DAB1: variants seen among roughly 807,000 people sequenced by gnomAD.
DAB1 encodes disabled homolog 1.
Under a neutral mutation model 64.6 loss-of-function variants are expected in DAB1, and 15 were observed. That is an observed-to-expected ratio of 0.23 (90% CI 0.16 to 0.36). The LOEUF is 0.36. Among genes scored for constraint, DAB1 ranks in the 10% least tolerant of loss-of-function variants. DAB1 has a pLI of 1.00. For missense variants in DAB1, 596 were observed against 706.7 expected, an observed-to-expected ratio of 0.84 and a Z score of 1.78; for synonymous variants, 235 against 251.9, an observed-to-expected ratio of 0.93 and a Z score of 0.64.
At chr1:57,541,477 G>C (rs573147419) in intron 7 of DAB1, among the ~76,000 whole-genome samples, 2 of 152,136 alleles carry the variant, frequency 1.3e-5, no homozygotes, top group South Asian at 2.1e-4. Context: ...GGCTCAAAGA[G>C]GTTTAAACAT....
chr1:57,657,463 A>C (rs2101663718), intron 6 of DAB1, among the ~76,000 whole-genome samples: 1 of 152,320 alleles, frequency 6.6e-6, no homozygotes, highest in East Asian at 1.9e-4. Context: ...GCAGGGTGTC[A>C]CTGACCCTCC....
intron 1 of DAB1, among the ~76,000 whole-genome samples, chr1:57,416,962 C>T (rs1684537289): frequency 6.6e-6 from 1 of 152,060 alleles, no homozygotes; most frequent in Admixed American, 6.5e-5. Context: ...TCCTTTATTT[C>T]AGGAAAATTA....
intron 5 of DAB1, among the ~76,000 whole-genome samples, chr1:58,024,109 A>G (rs979651833): frequency 6.6e-5 from 10 of 152,334 alleles, no homozygotes; most frequent in Non-Finnish European, 1.3e-4. Context: ...AGCATTAAGT[A>G]CAAACATAGC....
chr1:58,431,299 C>T (rs1006973525), intron 3 of DAB1, among the ~76,000 whole-genome samples: 15 of 152,060 alleles, frequency 9.9e-5, no homozygotes, highest in African/African-American at 3.6e-4. Context: ...AGAAAAAGTT[C>T]CTATAATCCC....
intron 6 of DAB1, among the ~76,000 whole-genome samples, chr1:57,774,018 G>T (rs1303025665): frequency 1.3e-5 from 2 of 151,910 alleles, no homozygotes; most frequent in African/African-American, 4.8e-5. Context: ...GAATAGGATT[G>T]TAAATTTTGG....
At chr1:57,026,183 A>T (rs1278918724) in intron 9 of DAB1, 140 bp from the exon 10 acceptor site, 2 of 633,198 alleles carry the variant, frequency 3.2e-6, no homozygotes, top group African/African-American at 3.9e-5. Flanking sequence ...ATGGGTCATT[A>T]CTATACCTCA....
chr1:57,654,789 G>T (rs964207970), intron 6 of DAB1, among the ~76,000 whole-genome samples: 1 of 152,026 alleles, frequency 6.6e-6, no homozygotes, highest in Non-Finnish European at 1.5e-5. Context: ...AGAGAAAATT[G>T]ATGCTCAGTA....
chr1:57,832,801 T>C (rs746253567), intron 1 of DAB1, among the ~76,000 whole-genome samples: 1 of 152,228 alleles, frequency 6.6e-6, no homozygotes, highest in Non-Finnish European at 1.5e-5. Flanking sequence ...AGTGGATTGT[T>C]TATGTTTCCA....
At chr1:57,188,148 C>T (rs1289393870) in intron 2 of DAB1, among the ~76,000 whole-genome samples, 5 of 152,136 alleles carry the variant, frequency 3.3e-5, no homozygotes, top group Non-Finnish European at 7.4e-5. Flanking sequence ...TTTCTCGAGT[C>T]ACTGATTAAT....
At chr1:58,281,111 A>C (rs1336750454) in intron 4 of DAB1, among the ~76,000 whole-genome samples, 6 of 152,216 alleles carry the variant, frequency 3.9e-5, no homozygotes, top group Non-Finnish European at 8.8e-5. Context: ...AATCATTATC[A>C]AGCACGAAGG....
chr1:57,536,355 C>A (rs1644727821), intron 7 of DAB1, among the ~76,000 whole-genome samples: 1 of 152,204 alleles, frequency 6.6e-6, no homozygotes, highest in African/African-American at 2.4e-5. Context: ...CAGATGGGAT[C>A]ATTCGAATCA....
intron 5 of DAB1, among the ~76,000 whole-genome samples, chr1:58,043,148 T>C (rs1020082957): frequency 6.6e-6 from 1 of 152,204 alleles, no homozygotes; most frequent in African/African-American, 2.4e-5. Flanking sequence ...CTTTCCAAAC[T>C]GTTAACACAA....
chr1:57,826,656 G>A (rs542112875), intron 1 of DAB1, among the ~76,000 whole-genome samples: 23 of 152,284 alleles, frequency 1.5e-4, no homozygotes, highest in South Asian at 6.2e-4. Context: ...AACAGGCATC[G>A]GAGCAGATGT....
At chr1:58,295,869 T>C (rs1055899614) in intron 4 of DAB1, among the ~76,000 whole-genome samples, 1 of 151,138 alleles carries the variant, frequency 6.6e-6, no homozygotes, top group Non-Finnish European at 1.5e-5. Flanking sequence ...GGTGGGTGGA[T>C]TACTTGAGGT....
At chr1:58,239,092 T>C (rs1044459941) in intron 4 of DAB1, among the ~76,000 whole-genome samples, 23 of 152,214 alleles carry the variant, frequency 1.5e-4, no homozygotes, top group Admixed American at 4.6e-4. Flanking sequence ...CCCGGAATGC[T>C]GTAGGTTACC....
intron 5 of DAB1, among the ~76,000 whole-genome samples, chr1:57,995,743 T>C (rs1263732465): frequency 6.6e-6 from 1 of 152,006 alleles, no homozygotes; most frequent in Non-Finnish European, 1.5e-5. Context: ...AGGGTAACCT[T>C]GAAAACTTTG....
In DAB1 at chr1:58,251,958, TC is replaced by T. The variant is rs1258169376; in HGVS notation, n.309+91393del. ...CAGCAACTTCCCCTCTGCCTGTAGT[TC>T]CGCTAGGAAAAAAAGGCCACTGGAC... On this transcript the variant is annotated intron_variant and non_coding_transcript_variant, in intron 4 of 20. Coordinates refer to the DAB1 transcript ENST00000485760. 4.6e-5 allele frequency among the ~76,000 whole-genome samples: 7 copies of T among 152,222 alleles called. No homozygotes were observed. The East Asian group carries it at 1.4e-3, about 29-fold the overall frequency.
intron 4 of DAB1, among the ~76,000 whole-genome samples, chr1:57,115,579 T>A (rs1475263176): frequency 6.6e-6 from 1 of 152,196 alleles, no homozygotes; most frequent in Middle Eastern, 3.2e-3. Context: ...TGTGATTAAT[T>A]TAAATTTAAA....
At chr1:58,106,450 T>C (rs1010998085) in intron 5 of DAB1, among the ~76,000 whole-genome samples, 3 of 152,194 alleles carry the variant, frequency 2.0e-5, no homozygotes, top group Non-Finnish European at 4.4e-5. Context: ...TTCCAAAGTG[T>C]TGGAAATACA....
Sources: gnomAD v4.1 joint callset for allele counts (sites outside exome capture counted in the v4.1 genomes callset) on GRCh38, gnomAD v4.1.1 for gene constraint, MANE v1.5 for transcripts, NCBI Gene and HGNC (gene_info 2026-07-23, HGNC 2026-07-21) for gene names.